GPBP1: variants seen among roughly 807,000 people sequenced by gnomAD.
GPBP1 encodes GC-rich promoter binding protein 1, also known as vasculin.
GPBP1 carries 13 observed loss-of-function variants against 56.5 expected under a neutral mutation model. The ratio of observed to expected loss-of-function variants is 0.23; its 90% CI spans 0.15 to 0.37. The LOEUF (loss-of-function observed/expected upper bound fraction) is 0.37. Among genes scored for constraint, GPBP1 ranks in the 10% least tolerant of loss-of-function variants. The pLI, the probability that GPBP1 is intolerant of heterozygous loss-of-function variation, is 1.00. For missense variants in GPBP1, 477 were observed against 572.3 expected, an observed-to-expected ratio of 0.83 and a Z score of 1.70; for synonymous variants, 204 against 188.9, an observed-to-expected ratio of 1.08 and a Z score of -0.66.
chr5:57,194,799 G>T (rs530887241), intron 2 of GPBP1, among the ~76,000 whole-genome samples: 2 of 152,160 alleles, frequency 1.3e-5, no homozygotes, highest in East Asian at 3.9e-4. Flanking sequence ...CTGTCCTCTG[G>T]TTCCATCCTT....
Position 57,246,352 on chromosome 5 carries a change from A to C in GPBP1, c.531A>C (p.Lys177Asn), listed in dbSNP as rs778983113. ...SRAPRMLVIK[K>N]GNTKDLQLSG... ...CTCCAAGGATGCTGGTCATTAAGAA[A>C]GGTAATACAAAAGACTTACAGCTAT... The change falls in exon 7 of 12, where the codon AAA becomes AAC. Residue 177 changes from lysine (K) to asparagine (N), a missense_variant. By Grantham distance (94) the Lys-to-Asn change is moderately conservative (BLOSUM62 0). Coordinates refer to ENST00000506184, the MANE Select transcript of GPBP1 (RefSeq NM_022913.4). 1 of 1,613,854 alleles carries C rather than the reference A, an allele frequency of 6.2e-7. No homozygotes were observed. The highest frequency in any genetic ancestry group is 8.5e-7 in the Non-Finnish European group (1 of 1,179,768).
chr5:57,188,958 T>G (rs562690696), intron 2 of GPBP1, among the ~76,000 whole-genome samples: 1 of 152,164 alleles, frequency 6.6e-6, no homozygotes, highest in Non-Finnish European at 1.5e-5. Flanking sequence ...ATCCCACTGC[T>G]ACTAGACTTG....
intron 2 of GPBP1, among the ~76,000 whole-genome samples, chr5:57,181,160 T>C (rs932274703): frequency 6.6e-6 from 1 of 152,084 alleles, no homozygotes; most frequent in African/African-American, 2.4e-5. Context: ...ATAACAAGAC[T>C]GTCTCTCTAC....
chr5:57,179,870 T>C (rs1335130177), intron 2 of GPBP1, among the ~76,000 whole-genome samples: 1 of 152,172 alleles, frequency 6.6e-6, no homozygotes. Context: ...ATGCTGGGAT[T>C]ATGGGTGAGA....
chr5:57,242,518 G>T (rs1328751968), intron 6 of GPBP1, among the ~76,000 whole-genome samples: 1 of 152,180 alleles, frequency 6.6e-6, no homozygotes, highest in Non-Finnish European at 1.5e-5. Flanking sequence ...TTTTGAGTCA[G>T]AGTCTTGCCC....
Position 57,175,849 on chromosome 5 carries a change from C to T in GPBP1, c.-609C>T, listed in dbSNP as rs547555741. 2.5e-6 allele frequency: 1 copy of T among 396,298 alleles called. No homozygotes were observed. The highest frequency in any genetic ancestry group is 1.4e-4 in the South Asian group (1 of 7,182). The allele number at this position is 396,298 out of a possible 1,614,324, so 24.5% of individuals were successfully genotyped here. A position where few individuals can be genotyped will look rare whatever the true frequency, so the allele number is the denominator to read the frequency against. ...GAAGTTTCATGGCAGTTTATTTTTA[C>T]CTTTATTGAAAGTTTTAGGAATTTT... On this transcript the variant is annotated 5_prime_UTR_variant, in exon 2 of 12. Coordinates refer to ENST00000506184, the MANE Select transcript of GPBP1 (RefSeq NM_022913.4).
At chr5:57,229,190 C>A (rs1756327148) in intron 3 of GPBP1, among the ~76,000 whole-genome samples, 1 of 135,954 alleles carries the variant, frequency 7.4e-6, no homozygotes, top group Non-Finnish European at 1.5e-5. Context: ...AAGATCGTGC[C>A]ACTGCACCCC....
chr5:57,205,615 A>G (rs909747639), intron 2 of GPBP1, among the ~76,000 whole-genome samples: 1 of 146,500 alleles, frequency 6.8e-6, no homozygotes, highest in Non-Finnish European at 1.5e-5. Flanking sequence ...GATTATAGCC[A>G]TTCTAGTGGG....
Position 57,221,257 on chromosome 5 carries a change from G to A in GPBP1, c.63+7064G>A. 7.9e-6 allele frequency: 5 copies of A among 631,470 alleles called. No individual in the cohort carries two copies. In the South Asian group the frequency reaches 1.1e-4, roughly 14 times the overall value. The allele number at this position is 631,470 out of a possible 1,614,324, so 39.1% of individuals were successfully genotyped here. On this transcript the variant is annotated intron_variant, in intron 3 of 11. Transcript: ENST00000506184. ...TTTTACACAGTCTTTTCATTTTCAT[G>A]TATATGTAACAAATTTTATATACCT...
chr5:57,250,836 C>T (rs533941118), intron 9 of GPBP1, 118 bp from the exon 10 acceptor site: 17 of 696,082 alleles, frequency 2.4e-5, no homozygotes, highest in African/African-American at 1.5e-4. Flanking sequence ...TGAGCCACTG[C>T]GCCTGGCCGC....
chr5:57,249,444 A>G lies in GPBP1; in HGVS notation c.840A>G (p.Lys280=), dbSNP rs761299518. The change falls in exon 9 of 12, where the codon AAA becomes AAG. Residue 280 remains lysine (K), a synonymous_variant. Coordinates refer to ENST00000506184, the MANE Select transcript of GPBP1 (RefSeq NM_022913.4). The part of the protein sequence containing the change: ...NRSNSSSPVD[K]LNQQPRLTKL... ...CAAATTCCTCTTCTCCTGTTGACAA[A>G]CTTAATCAGCAGCCTCGTCTAACCA... is the stretch of plus-strand genomic sequence containing the variant. 1.9e-6 allele frequency: 3 copies of G among 1,607,432 alleles called. No homozygotes were observed. In the African/African-American group the frequency reaches 4.0e-5, roughly 22 times the overall value.
intron 2 of GPBP1, among the ~76,000 whole-genome samples, chr5:57,191,099 CT>C (rs564844488): frequency 1.4e-4 from 21 of 146,114 alleles, no homozygotes; most frequent in Non-Finnish European, 9.1e-5. Context: ...TTTTTCTTTT[CT>C]TTTTTTTTTA....
At chr5:57,214,516 C>T (rs1755623520) in intron 3 of GPBP1, among the ~76,000 whole-genome samples, 1 of 152,036 alleles carries the variant, frequency 6.6e-6, no homozygotes, top group South Asian at 2.1e-4. Context: ...ATCTGGGAGG[C>T]AGAGGTTGTG....
intron 3 of GPBP1, among the ~76,000 whole-genome samples, chr5:57,220,236 TGCCTTG>T (rs1280997580): frequency 6.6e-6 from 1 of 152,006 alleles, no homozygotes; most frequent in Non-Finnish European, 1.5e-5. Context: ...GAGATGCTTC[TGCCTTG>T]GCCTCCCAAA....
rs1431455797 is a variant in GPBP1 at position 57,263,824 on chromosome 5, C to A, written c.*1072C>A. ...TTGCACATTAATTTTGGAATTGTTT[C>A]TGTTTTGCTGCTGACGGAAATACTA... is the stretch of plus-strand genomic sequence containing the variant. On this transcript the variant is annotated 3_prime_UTR_variant, in exon 12 of 12. Transcript: ENST00000506184. 1 of 152,076 alleles carries A rather than the reference C, an allele frequency of 6.6e-6. No homozygotes were observed. Among genetic ancestry groups the A allele is most frequent in the African/African-American group, 2.4e-5 (1 of 41,420 alleles). 9.4% of individuals were successfully genotyped at this position (152,076 alleles called of 1,614,324 possible). A position where few individuals can be genotyped will look rare whatever the true frequency, so the allele number is the denominator to read the frequency against.
At chr5:57,206,981 A>G (rs896900807) in intron 2 of GPBP1, among the ~76,000 whole-genome samples, 10 of 151,996 alleles carry the variant, frequency 6.6e-5, no homozygotes, top group African/African-American at 2.4e-4. Context: ...GGGCATGCCT[A>G]TATTCCCAGC....
At chr5:57,223,088 T>G (rs1032705049) in intron 3 of GPBP1, among the ~76,000 whole-genome samples, 1 of 150,972 alleles carries the variant, frequency 6.6e-6, no homozygotes, top group Non-Finnish European at 1.5e-5. Context: ...AGATGCCATT[T>G]ATATTGCAAA....
Position 57,197,034 on chromosome 5 carries a change from A to T in GPBP1, c.-57-17040A>T, listed in dbSNP as rs537730438. ...TGGCCTCAAGTGATTCGCCTGCCTC[A>T]GCCTCCCACAGTGCTGGGATATAGG... is the stretch of plus-strand genomic sequence containing the variant. On this transcript the variant is annotated intron_variant, in intron 2 of 11. Transcript: ENST00000506184. 4.6e-5 allele frequency among the ~76,000 whole-genome samples: 7 copies of T among 152,130 alleles called. No individual in the cohort carries two copies. In the South Asian group the frequency reaches 1.5e-3, roughly 32 times the overall value.
At chr5:57,256,364 C>A (rs367592490) in intron 10 of GPBP1, among the ~76,000 whole-genome samples, 1 of 152,026 alleles carries the variant, frequency 6.6e-6, no homozygotes, top group South Asian at 2.1e-4. Flanking sequence ...CAGTGATGAC[C>A]TACTTGAATG....
Sources: gnomAD v4.1 joint callset for allele counts (sites outside exome capture counted in the v4.1 genomes callset) on GRCh38, gnomAD v4.1.1 for gene constraint, MANE v1.5 for transcripts, NCBI Gene and HGNC (gene_info 2026-07-23, HGNC 2026-07-21) for gene names.